ASTN2: variants seen among roughly 807,000 people sequenced by gnomAD.
ASTN2 encodes astrotactin-2.
In ASTN2, 54 loss-of-function variants were observed where a neutral mutation model predicts 139.8. The observed-to-expected ratio is 0.39, with a 90% CI of 0.31 to 0.48. The LOEUF (loss-of-function observed/expected upper bound fraction) is 0.48, where lower values mean the gene tolerates loss of function less well. Among genes scored for constraint, ASTN2 ranks in the 20% least tolerant of loss-of-function variants. The pLI, the probability that ASTN2 is intolerant of heterozygous loss-of-function variation, is 0.95. For synonymous variants in ASTN2, 756 were observed against 719.5 expected (o/e 1.05, Z -0.81); for missense variants, 1,565 against 1,725.1 (o/e 0.91, Z 1.64).
At chr9:116,819,763 A>G (rs949542688) in intron 12 of ASTN2, among the ~76,000 whole-genome samples, 3 of 152,244 alleles carry the variant, frequency 2.0e-5, no homozygotes, top group Admixed American at 2.0e-4. Flanking sequence ...CATAATCAGA[A>G]AGGGAATGAA....
intron 10 of ASTN2, among the ~76,000 whole-genome samples, chr9:116,932,415 C>G (rs1834926138): frequency 6.6e-6 from 1 of 152,132 alleles, no homozygotes; most frequent in Non-Finnish European, 1.5e-5. Context: ...CTAACTTTCC[C>G]TGAAGCTGGG....
intron 13 of ASTN2, among the ~76,000 whole-genome samples, chr9:116,766,394 CA>C (rs1829808298): frequency 6.6e-6 from 1 of 151,920 alleles, no homozygotes. Context: ...TGCCCTCACA[CA>C]ATTCACACTC....
chr9:116,441,762 C>T (rs1335919106), intron 21 of ASTN2, among the ~76,000 whole-genome samples: 1 of 152,150 alleles, frequency 6.6e-6, no homozygotes, highest in African/African-American at 2.4e-5. Flanking sequence ...ACCACCAGGA[C>T]TTATGAGCCA....
intron 1 of ASTN2, among the ~76,000 whole-genome samples, chr9:117,398,553 C>T (rs1013284460): frequency 6.6e-6 from 1 of 152,176 alleles, no homozygotes; most frequent in African/African-American, 2.4e-5. Context: ...ATCAATATCT[C>T]TGTGCCGCCT....
chr9:116,535,080 T>C (rs1374394886), intron 19 of ASTN2, among the ~76,000 whole-genome samples: 11 of 152,364 alleles, frequency 7.2e-5, no homozygotes, highest in Admixed American at 6.5e-4. Flanking sequence ...GATAGTTAGC[T>C]CTTCTTGTTG....
intron 19 of ASTN2, among the ~76,000 whole-genome samples, chr9:116,531,479 T>G (rs1373472302): frequency 6.6e-6 from 1 of 152,158 alleles, no homozygotes; most frequent in East Asian, 1.9e-4. Flanking sequence ...AACTCGTCAT[T>G]TATATTAGGT....
chr9:116,737,467 ATG>A (rs72243746), intron 13 of ASTN2, among the ~76,000 whole-genome samples: 20,023 of 148,040 alleles, frequency 0.14, 1,355 homozygotes, highest in Middle Eastern at 0.16. Flanking sequence ...GTGTGTGTGA[ATG>A]TGTGTGTGTG....
intron 1 of ASTN2, among the ~76,000 whole-genome samples, chr9:117,320,918 G>C (rs937134630): frequency 3.3e-5 from 5 of 152,218 alleles, no homozygotes; most frequent in Middle Eastern, 3.2e-3. Context: ...ATTAAAATGT[G>C]AAACCTGCAG....
At chr9:116,729,332 C>G (rs1328828833) in intron 14 of ASTN2, among the ~76,000 whole-genome samples, 2 of 152,224 alleles carry the variant, frequency 1.3e-5, no homozygotes, top group African/African-American at 4.8e-5. Flanking sequence ...ACCCTACAAG[C>G]AAGAGCAACC....
intron 19 of ASTN2, among the ~76,000 whole-genome samples, chr9:116,601,407 G>A (rs555335183): frequency 6.6e-6 from 1 of 152,262 alleles, no homozygotes; most frequent in South Asian, 2.1e-4. Context: ...CAGCTACTGT[G>A]CCAGATATGA....
rs561126679 is a variant in ASTN2, at chr9:116,513,883, T to C, written c.3356-26383A>G. Among the ~76,000 whole-genome samples, 1,007 of 152,150 alleles carry C rather than the reference T, an allele frequency of 6.6e-3. 6 individuals are homozygous for C. Among genetic ancestry groups the C allele is most frequent in the Non-Finnish European group, 0.012 (788 of 67,998 alleles). On this transcript the variant is annotated intron_variant, in intron 19 of 22. Coordinates refer to ENST00000313400, the MANE Select transcript of ASTN2 (RefSeq NM_001365068.1). Reference sequence around the variant, plus strand: ...TTTAAGGACTTCTCTGCATTGGTTATTCTAGTTAGCCATTCTTCTAATCTT... The same window carrying C: ...TTTAAGGACTTCTCTGCATTGGTTACTCTAGTTAGCCATTCTTCTAATCTT...
At chr9:116,748,564 A>G (rs941156909) in intron 13 of ASTN2, among the ~76,000 whole-genome samples, 3 of 152,142 alleles carry the variant, frequency 2.0e-5, no homozygotes, top group East Asian at 1.9e-4. Context: ...TCTCACACCA[A>G]CATTTCACTA....
At chr9:116,576,363 C>T (rs1009940327) in intron 19 of ASTN2, among the ~76,000 whole-genome samples, 2 of 152,118 alleles carry the variant, frequency 1.3e-5, no homozygotes, top group Admixed American at 6.5e-5. Context: ...GTTATTTGAC[C>T]TAATTACAAA....
At chr9:116,777,561 G>A (rs1267684208) in intron 13 of ASTN2, among the ~76,000 whole-genome samples, 1 of 152,072 alleles carries the variant, frequency 6.6e-6, no homozygotes, top group Non-Finnish European at 1.5e-5. Flanking sequence ...CGTGGCATGT[G>A]AGGCGGGGTG....
intron 7 of ASTN2, among the ~76,000 whole-genome samples, chr9:117,003,505 A>G (rs73655575): frequency 0.11 from 8,016 of 75,040 alleles, 353 homozygotes; most frequent in African/African-American, 0.19. Flanking sequence ...AGTGGATTCC[A>G]GTGATATTTC....
chr9:116,737,091 A>G (rs938222088), intron 13 of ASTN2, among the ~76,000 whole-genome samples: 6 of 152,204 alleles, frequency 3.9e-5, no homozygotes, highest in Non-Finnish European at 5.9e-5. Flanking sequence ...TAGCCAGCCA[A>G]TATGGAAGAC....
chr9:117,213,273 A>G (rs1304914615), intron 3 of ASTN2, among the ~76,000 whole-genome samples: 1 of 152,212 alleles, frequency 6.6e-6, no homozygotes, highest in Non-Finnish European at 1.5e-5. Context: ...GGCTGCTAGT[A>G]GGATACAGAG....
chr9:116,657,851 A>G (rs1858311706), intron 16 of ASTN2, among the ~76,000 whole-genome samples: 1 of 151,904 alleles, frequency 6.6e-6, no homozygotes, highest in Non-Finnish European at 1.5e-5. Context: ...AAAAAAAAGG[A>G]ATATAAAAGA....
chr9:116,729,149 C>T (rs1828711190), intron 14 of ASTN2, 53 bp from the exon 15 acceptor site: 1 of 1,344,968 alleles, frequency 7.4e-7, no homozygotes, highest in Admixed American at 2.0e-5. Flanking sequence ...ACGCTTCACA[C>T]CACATTGTTC....
Sources: allele counts gnomAD v4.1 joint callset (sites outside exome capture counted in the v4.1 genomes callset), GRCh38; gene constraint gnomAD v4.1.1; transcripts MANE v1.5; gene names NCBI Gene and HGNC (gene_info 2026-07-23, HGNC 2026-07-21).